ZMYM4: variants seen among roughly 807,000 people sequenced by gnomAD.
ZMYM4 encodes zinc finger MYM-type protein 4.
A neutral mutation model predicts 183.2 loss-of-function variants in ZMYM4; 31 were observed. The ratio of observed to expected loss-of-function variants is 0.17; its 90% CI spans 0.13 to 0.23. ZMYM4 has a LOEUF of 0.23. Ranked by LOEUF, ZMYM4 falls within the 10% of genes least tolerant of loss-of-function variation. The probability of loss-of-function intolerance (pLI) is 1.00; values close to 1 mark genes in which losing one functional copy is unlikely to be tolerated. For synonymous variants in ZMYM4, 592 were observed against 631.2 expected, an observed-to-expected ratio of 0.94 and a Z score of 0.93; for missense variants, 1,273 against 1,840.3, an observed-to-expected ratio of 0.69 and a Z score of 5.64.
chr1:35,398,762 CGTA>C (rs1644851703), intron 21 of ZMYM4, 99 bp from the exon 22 acceptor site: 1 of 1,189,586 alleles, frequency 8.4e-7, no homozygotes, highest in African/African-American at 1.5e-5. Flanking sequence ...GTCCATCAAC[CGTA>C]TCTCATTTTT....
At chr1:35,310,377 G>C in intron 1 of ZMYM4, 1 of 248,248 alleles carries the variant, frequency 4.0e-6, no homozygotes, top group East Asian at 1.3e-4. Flanking sequence ...AATATTACAA[G>C]GGTCTCTGAT....
At chr1:35,398,609 G>GACA (rs1239423379) in intron 21 of ZMYM4, 143 bp downstream of exon 21, 1 of 830,534 alleles carries the variant, frequency 1.2e-6, no homozygotes, top group Non-Finnish European at 1.9e-6. Flanking sequence ...GTACTAATTT[G>GACA]TAGTGAGAAT....
intron 7 of ZMYM4, among the ~76,000 whole-genome samples, chr1:35,380,367 G>A (rs938501168): frequency 2.0e-5 from 3 of 151,194 alleles, no homozygotes; most frequent in Non-Finnish European, 1.5e-5. Context: ...TCGCTCTGTC[G>A]CCCATGCTGG....
chr1:35,356,268 A>G (rs908100439), intron 2 of ZMYM4, among the ~76,000 whole-genome samples: 1 of 152,220 alleles, frequency 6.6e-6, no homozygotes, highest in Non-Finnish European at 1.5e-5. Context: ...AAAGTTGCTT[A>G]CAATATTACT....
intron 26 of ZMYM4, among the ~76,000 whole-genome samples, chr1:35,410,770 A>AT (rs1490526934): frequency 3.3e-5 from 5 of 151,730 alleles, no homozygotes. Context: ...CTTTACTGGC[A>AT]TGAGCCACTG....
chr1:35,327,171 T>C (rs1442134675), intron 2 of ZMYM4, among the ~76,000 whole-genome samples: 2 of 152,206 alleles, frequency 1.3e-5, no homozygotes, highest in East Asian at 1.9e-4. Flanking sequence ...TTTGTTTCTC[T>C]CTTCAGTGCT....
In ZMYM4 at chr1:35,357,577, A is replaced by G. The variant is rs187388280; in HGVS notation, c.86-1348A>G. On this transcript the variant is annotated intron_variant, in intron 2 of 29. Transcript: ENST00000314607. Reference sequence around the variant, plus strand: ...TAGAACTAGGTGCTAAGTGGAAAAGATGGATTTGAGAGAGATAAGTAATAA... The same window carrying G: ...TAGAACTAGGTGCTAAGTGGAAAAGGTGGATTTGAGAGAGATAAGTAATAA... Among the ~76,000 whole-genome samples the G allele has an allele frequency of 9.5e-3, 1,453 of 152,266 alleles. 25 individuals are homozygous for G. The highest frequency in any genetic ancestry group is 0.036 in the South Asian group (176 of 4,830).
At chr1:35,301,562 A>AAG (rs772440092) in intron 1 of ZMYM4, among the ~76,000 whole-genome samples, 61 of 150,880 alleles carry the variant, frequency 4.0e-4, no homozygotes, top group African/African-American at 1.4e-3. Flanking sequence ...AAAAAAAAAA[A>AAG]GTCTTGTCTT....
rs572174526 is a variant in ZMYM4, at chr1:35,385,969, C to T, written c.1721-105C>T. ...ATTTAGTTTCAGTTCCTACAACTTA[C>T]CCTGGCTCTTAAATTTTCTTATATT... On this transcript the variant is annotated intron_variant, in intron 10 of 29. Transcript: ENST00000314607. The T allele has an allele frequency of 1.1e-5, 8 of 707,008 alleles. No homozygotes were observed. The South Asian group carries it at 1.1e-4, about 10-fold the overall frequency. 43.8% of individuals were successfully genotyped at this position (707,008 alleles called of 1,614,324 possible).
At chr1:35,307,570 T>A (rs989989477) in intron 1 of ZMYM4, among the ~76,000 whole-genome samples, 29 of 150,270 alleles carry the variant, frequency 1.9e-4, no homozygotes, top group Non-Finnish European at 3.9e-4. Context: ...AGTCTTGCTC[T>A]GTCGCCCAGG....
intron 2 of ZMYM4, among the ~76,000 whole-genome samples, chr1:35,341,276 A>G (rs937640935): frequency 6.6e-6 from 1 of 152,088 alleles, no homozygotes; most frequent in African/African-American, 2.4e-5. Flanking sequence ...TATACTTTCC[A>G]AAAATATTTT....
chr1:35,419,736 C>T lies in ZMYM4; in HGVS notation c.*59C>T, dbSNP rs761826524. 5.8e-5 allele frequency: 89 copies of T among 1,537,456 alleles called. No homozygotes were observed. The highest frequency in any genetic ancestry group is 7.8e-5 in the Non-Finnish European group (87 of 1,117,610). ...GGTATGCACCAAACTGTGAATGCATCCAGCTGTTGGAAAATGATGTATAAG... is the reference window on the plus strand; with the variant it reads ...GGTATGCACCAAACTGTGAATGCATTCAGCTGTTGGAAAATGATGTATAAG... On this transcript the variant is annotated 3_prime_UTR_variant, in exon 30 of 30. Transcript: ENST00000314607.
chr1:35,284,996 C>T (rs1056424635), intron 1 of ZMYM4, among the ~76,000 whole-genome samples: 1 of 152,052 alleles, frequency 6.6e-6, no homozygotes, highest in Non-Finnish European at 1.5e-5. Flanking sequence ...ACGACAAATG[C>T]GAGAGTTTAT....
rs1644671690 is a variant in ZMYM4, at chr1:35,390,108, A to G, written c.2587+10A>G. 2 of 1,611,712 alleles carry G rather than the reference A, an allele frequency of 1.2e-6. No homozygotes were observed. Among genetic ancestry groups the G allele is most frequent in the African/African-American group, 2.7e-5 (2 of 74,856 alleles). On this transcript the variant is annotated intron_variant, in intron 15 of 29. Transcript: ENST00000314607. ...TCACAAAATAATGCAGGTAAAATTA[A>G]CCTTAGGTACTGAATGGAGTCTTTG... is the stretch of plus-strand genomic sequence containing the variant.
At chr1:35,408,924 T>C (rs1311700333) in intron 26 of ZMYM4, among the ~76,000 whole-genome samples, 1 of 152,204 alleles carries the variant, frequency 6.6e-6, no homozygotes, top group Non-Finnish European at 1.5e-5. Flanking sequence ...ACCCAGTTAG[T>C]AGTCACTCCC....
intron 10 of ZMYM4, 84 bp downstream of exon 10, chr1:35,385,676 AT>A: frequency 7.0e-7 from 1 of 1,426,454 alleles, no homozygotes; most frequent in Non-Finnish European, 9.3e-7. Flanking sequence ...TTTTTGGTTG[AT>A]TTTTAAGGCA....
At chr1:35,340,822 T>A (rs1224367378) in intron 2 of ZMYM4, among the ~76,000 whole-genome samples, 5 of 152,162 alleles carry the variant, frequency 3.3e-5, no homozygotes, top group African/African-American at 9.7e-5. Flanking sequence ...CTGGTACTGG[T>A]CTGTGGCCTG....
chr1:35,369,598 G>A (rs1644160665), intron 5 of ZMYM4, among the ~76,000 whole-genome samples: 2 of 151,878 alleles, frequency 1.3e-5, no homozygotes, highest in Admixed American at 6.6e-5. Flanking sequence ...ATTGAGGAGG[G>A]GAAAAGACTG....
At chr1:35,382,483 C>T (rs1457499524) in intron 9 of ZMYM4, among the ~76,000 whole-genome samples, 9 of 148,624 alleles carry the variant, frequency 6.1e-5, no homozygotes, top group Non-Finnish European at 1.0e-4. Flanking sequence ...TGGAGCCTTG[C>T]ACTGTCTCCC....
Sources: gnomAD v4.1 joint callset for allele counts (sites outside exome capture counted in the v4.1 genomes callset) on GRCh38, gnomAD v4.1.1 for gene constraint, MANE v1.5 for transcripts, NCBI Gene and HGNC (gene_info 2026-07-23, HGNC 2026-07-21) for gene names.